NID1: variants seen among roughly 807,000 people sequenced by gnomAD.
NID1 encodes nidogen-1.
NID1 carries 76 observed loss-of-function variants against 130.6 expected under a neutral mutation model. That is an observed-to-expected ratio of 0.58 (90% CI 0.48 to 0.70). NID1 has a LOEUF of 0.70. Among genes scored for constraint, NID1 ranks in the 30% least tolerant of loss-of-function variants. The pLI, the probability that NID1 is intolerant of heterozygous loss-of-function variation, is 0.00. For missense variants in NID1, 1,517 were observed against 1,664.8 expected (o/e 0.91, Z 1.54); for synonymous variants, 665 against 675.1 (o/e 0.98, Z 0.23).
intron 12 of NID1, among the ~76,000 whole-genome samples, chr1:236,004,935 G>T (rs1250678875): frequency 4.6e-5 from 7 of 152,044 alleles, no homozygotes; most frequent in Admixed American, 4.6e-4. Context: ...CAACACTTTG[G>T]GAGGCTGAGG....
Position 235,982,098 on chromosome 1 carries a change from T to C in NID1, c.3056-316A>G, listed in dbSNP as rs1572575134. On this transcript the variant is annotated intron_variant, in intron 15 of 19. Transcript: ENST00000264187. Reference sequence around the variant, plus strand: ...AGTTGAGACTGAGTTCCAGGTCCTATGGGAGCCTGGAGGAGGAACCCCAGC... The same window carrying C: ...AGTTGAGACTGAGTTCCAGGTCCTACGGGAGCCTGGAGGAGGAACCCCAGC... Among the ~76,000 whole-genome samples, 6 of 152,278 alleles carry C rather than the reference T, an allele frequency of 3.9e-5. No homozygotes were observed. In the South Asian group the frequency reaches 1.2e-3, roughly 32 times the overall value.
intron 7 of NID1, 127 bp from the exon 8 acceptor site, chr1:236,026,268 G>A (rs561455555): frequency 2.8e-4 from 313 of 1,123,056 alleles, no homozygotes; most frequent in Non-Finnish European, 3.7e-4. Flanking sequence ...GCTACCAGAT[G>A]ACAGACCAGA....
At chr1:235,988,076 C>A (rs1263751095) in intron 14 of NID1, among the ~76,000 whole-genome samples, 3 of 152,102 alleles carry the variant, frequency 2.0e-5, no homozygotes, top group African/African-American at 7.2e-5. Flanking sequence ...GTCTGTGCAT[C>A]ATAGGACACA....
rs557032452 is a variant in NID1, at chr1:236,048,704, C to G, written c.511G>C (p.Asp171His). 6.2e-7 allele frequency: 1 copy of G among 1,610,752 alleles called. No homozygotes were observed. Among genetic ancestry groups the G allele is most frequent in the Non-Finnish European group, 8.5e-7 (1 of 1,179,668 alleles). Residue 171 changes from aspartate (D) to histidine (H), a missense_variant, in exon 2 of 20, where the codon GAC becomes CAC. Physicochemically the swap from Asp to His is moderately conservative, Grantham distance 81. Transcript: ENST00000264187. ...APYQGPSRDP[D>H]QKGKRNTFQA... ...GGGGAGCTTACCTTGCCTTTCTGGT[C>G]TGGGTCCCTGCTGGGCCCTTGGTAG... is the stretch of plus-strand genomic sequence containing the variant.
chr1:236,056,606 T>C (rs999714683), intron 1 of NID1, among the ~76,000 whole-genome samples: 10 of 152,210 alleles, frequency 6.6e-5, no homozygotes, highest in Admixed American at 2.0e-4. Flanking sequence ...TGTATGTTTG[T>C]ACCCATTAAC....
intron 5 of NID1, among the ~76,000 whole-genome samples, chr1:236,037,673 A>G (rs1659300509): frequency 6.6e-6 from 1 of 152,020 alleles, no homozygotes; most frequent in Non-Finnish European, 1.5e-5. Context: ...AAAAAAAAAC[A>G]TAGGTCTGTG....
intron 1 of NID1, among the ~76,000 whole-genome samples, chr1:236,062,414 C>T (rs962411588): frequency 1.3e-5 from 2 of 152,166 alleles, no homozygotes; most frequent in Non-Finnish European, 2.9e-5. Flanking sequence ...GCGGGCGGAT[C>T]ACCTGAGGTC....
chr1:236,007,754 G>T (rs1444612369), intron 12 of NID1, among the ~76,000 whole-genome samples: 1 of 152,088 alleles, frequency 6.6e-6, no homozygotes, highest in Non-Finnish European at 1.5e-5. Context: ...CCACAGCCCC[G>T]ACTAATGTCT....
Position 236,042,201 on chromosome 1 carries a change from C to T in NID1, c.844G>A (p.Gly282Arg), listed in dbSNP as rs549397883. 127 of 1,613,450 alleles carry T rather than the reference C, an allele frequency of 7.9e-5. No individual in the cohort carries two copies. The highest frequency in any genetic ancestry group is 9.2e-5 in the Non-Finnish European group (109 of 1,180,038). Residue 282 changes from glycine to arginine, a missense_variant, in exon 4 of 20, where the codon GGA (glycine) becomes AGA (arginine). Gly to Arg is a moderately radical substitution (Grantham distance 125). Around this residue, in one of 3 missense-constraint regions of NID1, gnomAD observed 1,329 missense variants for 1,429.2 expected, o/e 0.93. Transcript: ENST00000264187. ...NGVVPADVIL[G>R]TEDGAEYDDE... ...TCATACTCTGCCCCATCTTCAGTTC[C>T]GAGGATCACGTCTGCAGGCACCACG...
chr1:236,064,776 C>G, intron 1 of NID1, 79 bp downstream of exon 1: 1 of 1,407,666 alleles, frequency 7.1e-7, no homozygotes, highest in Non-Finnish European at 9.8e-7. Flanking sequence ...CTGCTACGCC[C>G]AAGTCCGTCC....
intron 12 of NID1, among the ~76,000 whole-genome samples, chr1:236,009,914 C>T (rs1445679700): frequency 2.0e-5 from 3 of 152,146 alleles, no homozygotes; most frequent in Non-Finnish European, 2.9e-5. Context: ...GCAAGCAGCC[C>T]TTATTGGTTT....
intron 5 of NID1, among the ~76,000 whole-genome samples, chr1:236,034,754 C>T (rs1659203740): frequency 6.6e-6 from 1 of 151,972 alleles, no homozygotes; most frequent in African/African-American, 2.4e-5. Flanking sequence ...ATATTAAAAC[C>T]CACCAAATTG....
intron 3 of NID1, among the ~76,000 whole-genome samples, chr1:236,043,520 C>T (rs1048104293): frequency 5.3e-5 from 8 of 152,106 alleles, no homozygotes; most frequent in East Asian, 3.9e-4. Flanking sequence ...ACTCCAGGGC[C>T]GGGCGCGGTG....
chr1:235,988,610 C>G (rs1482415353), intron 14 of NID1, among the ~76,000 whole-genome samples: 1 of 152,122 alleles, frequency 6.6e-6, no homozygotes, highest in East Asian at 1.9e-4. Flanking sequence ...TTGCAAAAGC[C>G]AGAAGGTGGA....
intron 11 of NID1, among the ~76,000 whole-genome samples, chr1:236,012,908 A>G (rs1216590924): frequency 3.9e-5 from 6 of 152,222 alleles, no homozygotes; most frequent in Non-Finnish European, 7.3e-5. Context: ...GTAAGAGAAC[A>G]ATGGCAGCCA....
chr1:236,004,353 G>C (rs1658180823), intron 12 of NID1, among the ~76,000 whole-genome samples: 1 of 152,172 alleles, frequency 6.6e-6, no homozygotes, highest in African/African-American at 2.4e-5. Flanking sequence ...AGAGGAAAGG[G>C]GCAGAGCATC....
intron 1 of NID1, among the ~76,000 whole-genome samples, chr1:236,061,088 T>C (rs1660024601): frequency 6.6e-6 from 1 of 152,212 alleles, no homozygotes; most frequent in South Asian, 2.1e-4. Flanking sequence ...GGAAAACCTC[T>C]TTACAGAATA....
chr1:236,015,913 T>C (rs1658583262), intron 10 of NID1, among the ~76,000 whole-genome samples: 1 of 152,076 alleles, frequency 6.6e-6, no homozygotes, highest in African/African-American at 2.4e-5. Context: ...TCAGTGAGTG[T>C]GGACATCAGG....
At chr1:236,020,543 C>T (rs1018618974) in intron 9 of NID1, among the ~76,000 whole-genome samples, 6 of 152,154 alleles carry the variant, frequency 3.9e-5, no homozygotes, top group Non-Finnish European at 5.9e-5. Context: ...TCTGTGAAAT[C>T]GTCTCCAAAT....
Sources: gnomAD v4.1 joint callset for allele counts (sites outside exome capture counted in the v4.1 genomes callset) on GRCh38, gnomAD v4.1.1 for gene constraint, gnomAD v4.1.1 regional missense constraint, MANE v1.5 for transcripts, NCBI Gene and HGNC (gene_info 2026-07-23, HGNC 2026-07-21) for gene names.